Variants in FOCAD observed in about 807,000 individuals in gnomAD.
FOCAD encodes KIAA1797.
A neutral mutation model predicts 225.6 loss-of-function variants in FOCAD; 198 were observed. The observed-to-expected ratio is 0.88, with a 90% CI of 0.78 to 0.99. FOCAD has a LOEUF of 0.99. FOCAD is among the 50% of genes least tolerant of loss of function. The probability of loss-of-function intolerance (pLI) is 0.00; values close to 1 mark genes in which losing one functional copy is unlikely to be tolerated. For synonymous variants in FOCAD, 897 were observed against 755.0 expected (o/e 1.19, Z -3.08); for missense variants, 2,713 against 2,123.6 (o/e 1.28, Z -5.46).
intron 13 of FOCAD, 75 bp downstream of exon 13, chr9:20,820,500 G>C (rs1031414449): frequency 1.1e-5 from 15 of 1,312,784 alleles, no homozygotes; most frequent in Non-Finnish European, 1.6e-5. Context: ...TGTCATATAT[G>C]GCAATGCTTT....
intron 32 of FOCAD, 126 bp from the exon 33 acceptor site, chr9:20,949,478 G>C (rs979908604): frequency 1.4e-6 from 1 of 693,886 alleles, no homozygotes; most frequent in African/African-American, 1.9e-5. Context: ...TTATGTATTT[G>C]AAATAGAAGG....
At chr9:20,947,841 C>T (rs1837325830) in intron 30 of FOCAD, among the ~76,000 whole-genome samples, 1 of 152,070 alleles carries the variant, frequency 6.6e-6, no homozygotes, top group Non-Finnish European at 1.5e-5. Context: ...TATACCCGCT[C>T]ACTTACATTC....
intron 15 of FOCAD, among the ~76,000 whole-genome samples, chr9:20,853,728 CTGTT>C (rs1442485602): frequency 6.6e-6 from 1 of 151,310 alleles, no homozygotes; most frequent in Non-Finnish European, 1.5e-5. Context: ...ATATCTATAT[CTGTT>C]TGTTTCTTTT....
At chr9:20,697,317 A>G (rs1425749018) in intron 1 of FOCAD, among the ~76,000 whole-genome samples, 1 of 152,072 alleles carries the variant, frequency 6.6e-6, no homozygotes, top group Non-Finnish European at 1.5e-5. Flanking sequence ...TAGAAGCCAC[A>G]ATGATCTTTT....
intron 2 of FOCAD, among the ~76,000 whole-genome samples, chr9:20,676,873 A>G (rs1299122280): frequency 1.3e-5 from 2 of 152,220 alleles, no homozygotes; most frequent in African/African-American, 4.8e-5. Context: ...ACTATTTAAG[A>G]AATAGAAAAA....
At chr9:20,698,079 C>A (rs1823523748) in intron 1 of FOCAD, among the ~76,000 whole-genome samples, 1 of 152,132 alleles carries the variant, frequency 6.6e-6, no homozygotes, top group African/African-American at 2.4e-5. Context: ...TGATAAAAAA[C>A]CATGGTTTCA....
At chr9:20,917,400 A>G (rs906262646) in intron 24 of FOCAD, among the ~76,000 whole-genome samples, 33 of 152,310 alleles carry the variant, frequency 2.2e-4, no homozygotes, top group African/African-American at 6.5e-4. Context: ...CCATTTAAAA[A>G]GCAGTTTTAG....
chr9:20,768,332 C>G (rs1426918321), intron 7 of FOCAD, among the ~76,000 whole-genome samples: 2 of 151,932 alleles, frequency 1.3e-5, no homozygotes, highest in Non-Finnish European at 2.9e-5. Flanking sequence ...TCCATATGAA[C>G]TTTAAAGTAG....
At chr9:20,743,548 C>T (rs1052707640) in intron 5 of FOCAD, among the ~76,000 whole-genome samples, 1 of 152,120 alleles carries the variant, frequency 6.6e-6, no homozygotes, top group Non-Finnish European at 1.5e-5. Flanking sequence ...TTTCCCTTAG[C>T]CCCTCTGAAT....
At chr9:20,926,053 A>G (rs1248347772) in intron 25 of FOCAD, among the ~76,000 whole-genome samples, 1 of 152,198 alleles carries the variant, frequency 6.6e-6, no homozygotes. Context: ...GTTTTGCAGC[A>G]TCTATCCTCT....
Position 20,801,480 on chromosome 9 carries a change from C to T in FOCAD, c.1455+11872C>T, listed in dbSNP as rs531438298. 2.6e-5 allele frequency among the ~76,000 whole-genome samples: 4 copies of T among 152,204 alleles called. No individual in the cohort carries two copies. In the South Asian group the frequency reaches 6.2e-4, roughly 24 times the overall value. ...TGCAGGCGTGAGCCACTGCGCCCAC[C>T]CTGGAATATACATTTTAATTGTAAT... is the stretch of plus-strand genomic sequence containing the variant. On this transcript the variant is annotated intron_variant, in intron 11 of 43. Transcript: ENST00000338382.
intron 28 of FOCAD, among the ~76,000 whole-genome samples, chr9:20,935,189 ATAAT>A (rs1209571850): frequency 5.9e-5 from 9 of 152,212 alleles, no homozygotes; most frequent in African/African-American, 2.2e-4. Context: ...GTTTTCAGTA[ATAAT>A]TAATCAAAAA....
chr9:20,994,040 T>C (rs925734406), intron 43 of FOCAD, among the ~76,000 whole-genome samples: 7 of 152,364 alleles, frequency 4.6e-5, no homozygotes, highest in African/African-American at 1.7e-4. Flanking sequence ...CATATACAAT[T>C]GAAAATACAC....
intron 11 of FOCAD, among the ~76,000 whole-genome samples, chr9:20,807,655 G>T (rs1822603253): frequency 6.6e-6 from 1 of 152,156 alleles, no homozygotes; most frequent in African/African-American, 2.4e-5. Context: ...CATTTCAAAT[G>T]CTCAGTGGCC....
At position 20,866,888 on chromosome 9, in the gene FOCAD, CTTTTTTTTTT is replaced by C. The variant is rs10629839; in HGVS notation, c.2107-21_2107-12del. On this transcript the variant is annotated intron_variant, in intron 17 of 43. Transcript: ENST00000338382. The stretch of plus-strand genomic sequence containing the variant: ...CATGTTGTGTTTTTTTGTTTGCTTG[CTTTTTTTTTT>C]TTTTTTTTTTTTTTTTTTTACCCTA... 2,036 of 341,816 alleles carry C rather than the reference CTTTTTTTTTT, an allele frequency of 6.0e-3. 9 individuals are homozygous for C. Among genetic ancestry groups the C allele is most frequent in the East Asian group, 0.048 (546 of 11,328 alleles). The allele number at this position is 341,816 out of a possible 1,614,324, so 21.2% of individuals were successfully genotyped here.
At chr9:20,736,004 G>A (rs950623098) in intron 4 of FOCAD, among the ~76,000 whole-genome samples, 3 of 152,058 alleles carry the variant, frequency 2.0e-5, no homozygotes, top group Non-Finnish European at 4.4e-5. Context: ...AGAGTTTTAT[G>A]TGTGAAAATA....
At chr9:20,863,839 G>A (rs1828996192) in intron 16 of FOCAD, among the ~76,000 whole-genome samples, 1 of 152,076 alleles carries the variant, frequency 6.6e-6, no homozygotes, top group Non-Finnish European at 1.5e-5. Context: ...TGTATTGCTT[G>A]TACCTTGAGT....
At chr9:20,857,574 G>A (rs1490752283) in intron 15 of FOCAD, among the ~76,000 whole-genome samples, 3 of 151,656 alleles carry the variant, frequency 2.0e-5, no homozygotes, top group Admixed American at 6.6e-5. Flanking sequence ...CTATTGGGAT[G>A]CCCTTTCTTT....
intron 35 of FOCAD, among the ~76,000 whole-genome samples, chr9:20,975,870 T>C (rs1486280778): frequency 1.3e-5 from 2 of 151,768 alleles, no homozygotes; most frequent in East Asian, 1.9e-4. Context: ...TATATAGAGG[T>C]AGAGAGTATA....
Sources: allele counts gnomAD v4.1 joint callset (sites outside exome capture counted in the v4.1 genomes callset), GRCh38; gene constraint gnomAD v4.1.1; transcripts MANE v1.5; gene names NCBI Gene and HGNC (gene_info 2026-07-23, HGNC 2026-07-21).